The following WDR45B variants were observed in gnomAD, a reference collection of about 807,000 sequenced individuals.
The protein encoded by WDR45B is WD repeat domain phosphoinositide-interacting protein 3.
WDR45B carries 20 observed loss-of-function variants against 44.6 expected under a neutral mutation model. That is an observed-to-expected ratio of 0.45 (90% CI 0.32 to 0.65). The LOEUF (loss-of-function observed/expected upper bound fraction) is 0.65. WDR45B is among the 30% of genes least tolerant of loss of function. The pLI, the probability that WDR45B is intolerant of heterozygous loss-of-function variation, is 0.05. For missense variants in WDR45B, 323 were observed against 430.2 expected, an observed-to-expected ratio of 0.75 and a Z score of 2.20; for synonymous variants, 169 against 164.9, an observed-to-expected ratio of 1.02 and a Z score of -0.19.
chr17:82,631,467 T>G (rs1164040206), intron 2 of WDR45B, among the ~76,000 whole-genome samples: 1 of 148,934 alleles, frequency 6.7e-6, no homozygotes, highest in Non-Finnish European at 1.5e-5. Context: ...GTATTTTTAG[T>G]AGAGATGGGG....
intron 2 of WDR45B, among the ~76,000 whole-genome samples, chr17:82,639,885 G>GTC (rs1382139445): frequency 3.3e-4 from 49 of 148,662 alleles, no homozygotes; most frequent in Non-Finnish European, 6.1e-4. Flanking sequence ...TGTGGGTCGG[G>GTC]AGGGCTGCTG....
At chr17:82,637,618 C>T (rs1269964878) in intron 2 of WDR45B, among the ~76,000 whole-genome samples, 1 of 151,932 alleles carries the variant, frequency 6.6e-6, no homozygotes, top group African/African-American at 2.4e-5. Flanking sequence ...TTCCCGTGAC[C>T]CCTTCTTTGG....
rs529844783 is a variant in WDR45B, at chr17:82,615,630, C to T, written c.*289G>A. 6.4e-5 allele frequency: 30 copies of T among 467,222 alleles called. No homozygotes were observed. Among genetic ancestry groups the T allele is most frequent in the African/African-American group, 3.9e-4 (20 of 50,704 alleles). 28.9% of individuals were successfully genotyped at this position (467,222 alleles called of 1,614,324 possible). A position where few individuals can be genotyped will look rare whatever the true frequency, so the allele number is the denominator to read the frequency against. On this transcript the variant is annotated 3_prime_UTR_variant, in exon 10 of 10. Transcript: ENST00000392325. ...TGGAGCCCCCGTCAGTGTGAGGATG[C>T]GGCGGAGCCACTGAAGCTAACGTCA...
rs1289806063 is a variant in WDR45B at position 82,643,907 on chromosome 17, T to C, written c.142+42A>G. On this transcript the variant is annotated intron_variant, in intron 2 of 9. Transcript: ENST00000392325. The stretch of plus-strand genomic sequence containing the variant: ...AAGGTTAAATTTAAGACTCCGAGGG[T>C]TGGAAAGGGGAGAAACCAGAAAATG... 5 of 1,598,922 alleles carry C rather than the reference T, an allele frequency of 3.1e-6. No homozygotes were observed. In the African/African-American group the frequency reaches 4.0e-5, roughly 13 times the overall value.
chr17:82,627,134 A>T, intron 4 of WDR45B, 70 bp downstream of exon 4: 2 of 1,267,010 alleles, frequency 1.6e-6, no homozygotes. Context: ...TGCCAAAAAT[A>T]GAAAAGTATT....
rs757449078 is a variant in WDR45B, at chr17:82,627,178, TA to T, written c.332+25del. 4.1e-5 allele frequency: 65 copies of T among 1,580,518 alleles called. 1 individual carries two copies. The South Asian group carries it at 7.1e-4, about 17-fold the overall frequency. On this transcript the variant is annotated intron_variant, in intron 4 of 9. Coordinates refer to ENST00000392325, the MANE Select transcript of WDR45B (RefSeq NM_019613.4). ...CTTTTGAGAAAGTGAAATACCACTT[TA>T]AAAAATTACTGACACCAAACCCACC...
chr17:82,648,361 C>G lies in WDR45B; in HGVS notation c.-21G>C. ...TTCATGGCGCCGCCGTGCTGGGTCG[C>G]CGCTCCTCAGCGCTGCATGCCTCTC... On this transcript the variant is annotated 5_prime_UTR_variant, in exon 1 of 10. Transcript: ENST00000392325. 6.2e-7 allele frequency: 1 copy of G among 1,603,422 alleles called. No individual in the cohort carries two copies. The highest frequency in any genetic ancestry group is 8.5e-7 in the Non-Finnish European group (1 of 1,176,732).
intron 5 of WDR45B, among the ~76,000 whole-genome samples, chr17:82,622,739 A>G (rs1434471334): frequency 6.8e-6 from 1 of 148,070 alleles, no homozygotes; most frequent in Non-Finnish European, 1.5e-5. Flanking sequence ...TTTTTTTTGT[A>G]AAGTAAGAAG....
At chr17:82,623,938 TG>T (rs748729847) in intron 5 of WDR45B, among the ~76,000 whole-genome samples, 14 of 152,108 alleles carry the variant, frequency 9.2e-5, no homozygotes, top group Non-Finnish European at 1.9e-4. Context: ...CCGACAATGC[TG>T]GAACACTCAT....
intron 1 of WDR45B, among the ~76,000 whole-genome samples, chr17:82,648,071 T>G (rs992652488): frequency 6.7e-6 from 1 of 148,350 alleles, no homozygotes; most frequent in African/African-American, 2.5e-5. Flanking sequence ...GGGAGCCGGT[T>G]CGGGCCTGGT....
At chr17:82,644,651 T>C (rs966163275) in intron 1 of WDR45B, 1 of 161,200 alleles carries the variant, frequency 6.2e-6, no homozygotes, top group African/African-American at 2.4e-5. Context: ...ATAAAGCACT[T>C]AAGTGCGTAG....
chr17:82,632,630 C>T (rs1311887417), intron 2 of WDR45B, among the ~76,000 whole-genome samples: 1 of 152,144 alleles, frequency 6.6e-6, no homozygotes, highest in African/African-American at 2.4e-5. Context: ...GGAGGACCAT[C>T]CACCCACCCA....
At chr17:82,619,589 C>T (rs1249134720) in intron 6 of WDR45B, among the ~76,000 whole-genome samples, 3 of 151,646 alleles carry the variant, frequency 2.0e-5, no homozygotes, top group Admixed American at 6.6e-5. Context: ...AGGACTTAAA[C>T]CCATCCATGT....
intron 2 of WDR45B, among the ~76,000 whole-genome samples, chr17:82,634,150 C>CAAAAAAAAAAAAAAAAAAAAAAAAAAA (rs36183298): frequency 2.8e-4 from 9 of 31,908 alleles, no homozygotes; most frequent in African/African-American, 6.2e-4. Flanking sequence ...GACTCCATCT[C>CAAAAAAAAAAAAAAAAAAAAAAAAAAA]AAAAAAAAAA....
At chr17:82,640,218 G>A (rs2045896047) in intron 2 of WDR45B, among the ~76,000 whole-genome samples, 1 of 152,148 alleles carries the variant, frequency 6.6e-6, no homozygotes, top group South Asian at 2.1e-4. Context: ...TCACCCTGGA[G>A]AGAACCATGC....
At chr17:82,623,318 C>T (rs544114520) in intron 5 of WDR45B, among the ~76,000 whole-genome samples, 55 of 145,866 alleles carry the variant, frequency 3.8e-4, no homozygotes, top group African/African-American at 1.2e-3. Context: ...ACCCAGGAGG[C>T]GGAGGTTGCA....
chr17:82,636,260 CAAA>C (rs71168123), intron 2 of WDR45B, among the ~76,000 whole-genome samples: 12 of 104,584 alleles, frequency 1.1e-4, no homozygotes, highest in Admixed American at 3.4e-4. Context: ...GACTCCGTCT[CAAA>C]AAAAAAAAAA....
chr17:82,644,103 A>G, intron 1 of WDR45B, 80 bp from the exon 2 acceptor site: 2 of 1,362,328 alleles, frequency 1.5e-6, no homozygotes, highest in East Asian at 2.4e-5. Context: ...AATGACAACT[A>G]CTGAGAACTC....
intron 3 of WDR45B, among the ~76,000 whole-genome samples, chr17:82,628,143 C>G (rs2045722530): frequency 6.6e-6 from 1 of 152,204 alleles, no homozygotes; most frequent in Non-Finnish European, 1.5e-5. Flanking sequence ...CAGGCATGCA[C>G]TACCATGCCC....
Sources: gnomAD v4.1 joint callset for allele counts (sites outside exome capture counted in the v4.1 genomes callset) on GRCh38, gnomAD v4.1.1 for gene constraint, MANE v1.5 for transcripts, NCBI Gene and HGNC (gene_info 2026-07-23, HGNC 2026-07-21) for gene names.